Variants in NIBAN2 observed in about 807,000 individuals in gnomAD.
The protein encoded by NIBAN2 is niban apoptosis regulator 2.
A neutral mutation model predicts 81.8 loss-of-function variants in NIBAN2; 36 were observed. That is an observed-to-expected ratio of 0.44 (90% CI 0.34 to 0.58). The LOEUF is 0.58. NIBAN2 is among the 20% of genes least tolerant of loss of function. NIBAN2 has a pLI of 0.02. For missense variants in NIBAN2, 897 were observed against 1,014.1 expected (o/e 0.88, Z 1.57); for synonymous variants, 445 against 441.6 (o/e 1.01, Z -0.10).
chr9:127,573,065 C>T (rs547532542), upstream of NIBAN2, among the ~76,000 whole-genome samples: 8 of 152,138 alleles, frequency 5.3e-5, no homozygotes, highest in African/African-American at 7.2e-5. Flanking sequence ...TATGTATGTA[C>T]GTATGTATAT....
intron 1 of NIBAN2, among the ~76,000 whole-genome samples, chr9:127,538,129 A>G (rs1329717540): frequency 6.6e-6 from 1 of 152,138 alleles, no homozygotes; most frequent in Non-Finnish European, 1.5e-5. Context: ...CAACCCTTTC[A>G]GCAAGTTGGT....
At chr9:127,509,559 G>C (rs1047875423) in intron 9 of NIBAN2, among the ~76,000 whole-genome samples, 1 of 152,120 alleles carries the variant, frequency 6.6e-6, no homozygotes, top group Non-Finnish European at 1.5e-5. Context: ...AGAGTATAAA[G>C]GAGGAAACTA....
intron 8 of NIBAN2, among the ~76,000 whole-genome samples, chr9:127,512,092 CAA>C: frequency 6.6e-6 from 1 of 152,300 alleles, no homozygotes; most frequent in East Asian, 1.9e-4. Flanking sequence ...CCGTTCTATT[CAA>C]AGTCACCCCT....
chr9:127,567,656 C>A lies in NIBAN2; in HGVS notation c.55+1164G>T, dbSNP rs373255183. Among the ~76,000 whole-genome samples the A allele has an allele frequency of 2.6e-5, 4 of 152,262 alleles. No individual in the cohort carries two copies. The South Asian group carries it at 6.2e-4, about 24-fold the overall frequency. ...TGCTCTCAAGGGAGCGTGGAGAACACGGTGGTGAAATTCTACAGGACACAA... is the reference window on the plus strand; with the variant it reads ...TGCTCTCAAGGGAGCGTGGAGAACAAGGTGGTGAAATTCTACAGGACACAA... On this transcript the variant is annotated intron_variant, in intron 1 of 13. Coordinates refer to ENST00000373312, the MANE Select transcript of NIBAN2 (RefSeq NM_022833.4).
chr9:127,576,969 G>A (rs1043059988), intron 1 of NIBAN2, among the ~76,000 whole-genome samples: 1 of 151,694 alleles, frequency 6.6e-6, no homozygotes, highest in Non-Finnish European at 1.5e-5. Context: ...GGGATTACAG[G>A]TGTAAGGCAC....
intron 1 of NIBAN2, among the ~76,000 whole-genome samples, chr9:127,552,086 C>T (rs930081291): frequency 2.6e-5 from 4 of 152,178 alleles, no homozygotes; most frequent in African/African-American, 7.2e-5. Context: ...CCTCTGCTGG[C>T]GTGCCATGCT....
upstream of NIBAN2, among the ~76,000 whole-genome samples, chr9:127,571,232 G>A (rs979700411): frequency 6.5e-5 from 5 of 76,894 alleles, no homozygotes; most frequent in African/African-American, 1.5e-4. Context: ...GCCCAGGGAC[G>A]GGTTCCTCCC....
rs1837906930 is a variant in NIBAN2, at chr9:127,568,926, G to C, written c.-52C>G. ...GGCCGACGCCGCCGCTGTTGCCCGCGCTGCTCAGGCGGACGCCGCTGGCGC... is the reference window on the plus strand; with the variant it reads ...GGCCGACGCCGCCGCTGTTGCCCGCCCTGCTCAGGCGGACGCCGCTGGCGC... On this transcript the variant is annotated 5_prime_UTR_variant, in exon 1 of 14. Coordinates refer to ENST00000373312, the MANE Select transcript of NIBAN2 (RefSeq NM_022833.4). 8 of 1,226,392 alleles carry C rather than the reference G, an allele frequency of 6.5e-6. No individual in the cohort carries two copies. In the East Asian group the frequency reaches 1.8e-4, roughly 28 times the overall value. 76.0% of individuals were successfully genotyped at this position (1,226,392 alleles called of 1,614,324 possible).
chr9:127,527,373 C>G, intron 2 of NIBAN2, 51 bp from the exon 3 acceptor site: 1 of 1,566,480 alleles, frequency 6.4e-7, no homozygotes, highest in Non-Finnish European at 8.7e-7. Context: ...GGGGGTGGTG[C>G]TCCCCATGAA....
At chr9:127,542,096 G>A (rs79822488) in intron 1 of NIBAN2, among the ~76,000 whole-genome samples, 2,346 of 152,282 alleles carry the variant, frequency 0.015, 69 homozygotes, top group African/African-American at 0.054. Flanking sequence ...GGGGCCACAG[G>A]GGAGTTGCCC....
chr9:127,547,740 G>A (rs1017203692), intron 1 of NIBAN2, among the ~76,000 whole-genome samples: 8 of 151,876 alleles, frequency 5.3e-5, no homozygotes, highest in African/African-American at 1.9e-4. Context: ...AGGAGGCTGA[G>A]GCAGGAGAAT....
In NIBAN2 at chr9:127,509,100, T is replaced by C; in HGVS notation, c.1193A>G (p.His398Arg). The C allele has an allele frequency of 1.2e-6, 2 of 1,612,274 alleles. No individual in the cohort carries two copies. The highest frequency in any genetic ancestry group is 1.1e-5 in the South Asian group (1 of 91,000). ...ATAGCAGCTCTGCATCTTCAGGGGG[T>C]GGTACGCCAGCCGGGACAGCTTCTC... The part of the protein sequence containing the change: ...YMEKLSRLAY[H>R]PLKMQSCYEK... The change falls in exon 10 of 14, where the codon CAC becomes CGC. Residue 398 changes from histidine to arginine, a missense_variant. Coordinates refer to ENST00000373312, the MANE Select transcript of NIBAN2 (RefSeq NM_022833.4).
chr9:127,520,909 AAAAAG>A (rs1025753309), intron 5 of NIBAN2, among the ~76,000 whole-genome samples: 5 of 152,200 alleles, frequency 3.3e-5, no homozygotes, highest in African/African-American at 1.2e-4. Flanking sequence ...AGAAAAAGAA[AAAAAG>A]AAAAGTACAT....
intron 2 of NIBAN2, among the ~76,000 whole-genome samples, chr9:127,528,875 C>T (rs1837126902): frequency 3.3e-5 from 5 of 152,306 alleles, no homozygotes; most frequent in South Asian, 2.1e-4. Context: ...GCAGGAGCCC[C>T]GGGACACAAG....
chr9:127,537,886 T>C (rs184370083), intron 1 of NIBAN2, among the ~76,000 whole-genome samples: 11 of 152,254 alleles, frequency 7.2e-5, no homozygotes, highest in Non-Finnish European at 1.5e-4. Flanking sequence ...CCTGTTGGGG[T>C]CCCGGTTCCC....
intron 1 of NIBAN2, 81 bp from the exon 2 acceptor site, chr9:127,531,859 T>G: frequency 6.4e-7 from 1 of 1,567,194 alleles, no homozygotes; most frequent in Non-Finnish European, 8.7e-7. Flanking sequence ...CAGGAGTGGC[T>G]GCAAAGCCCC....
In NIBAN2 at chr9:127,523,637, T is replaced by G. The variant is rs1413051505; in HGVS notation, c.589+42A>C. ...CACCATTCAGCAATAACCCAGGTCCTGCCCCTCCCTCCCACCGACCCTGCA... is the reference window on the plus strand; with the variant it reads ...CACCATTCAGCAATAACCCAGGTCCGGCCCCTCCCTCCCACCGACCCTGCA... On this transcript the variant is annotated intron_variant, in intron 5 of 13. Transcript: ENST00000373312. The G allele has an allele frequency of 2.5e-6, 4 of 1,585,450 alleles. No homozygotes were observed. The South Asian group carries it at 3.3e-5, about 13-fold the overall frequency.
At chr9:127,519,174 CAAAAAAAAAAAAA>C (rs398046914) in intron 5 of NIBAN2, among the ~76,000 whole-genome samples, 1 of 39,290 alleles carries the variant, frequency 2.5e-5, no homozygotes, top group Non-Finnish European at 6.0e-5. Context: ...GACTCTGTCT[CAAAAAAAAAAAAA>C]AAAAAAAAAA....
At chr9:127,522,667 T>C (rs1013501246) in intron 5 of NIBAN2, among the ~76,000 whole-genome samples, 3 of 151,542 alleles carry the variant, frequency 2.0e-5, no homozygotes, top group African/African-American at 7.3e-5. Flanking sequence ...CACCTGTGGG[T>C]CTCCCTTCAT....
Sources: gnomAD v4.1 joint callset for allele counts (sites outside exome capture counted in the v4.1 genomes callset) on GRCh38, gnomAD v4.1.1 for gene constraint, MANE v1.5 for transcripts, NCBI Gene and HGNC (gene_info 2026-07-23, HGNC 2026-07-21) for gene names.